The following GATM variants were observed in gnomAD, a reference collection of about 807,000 sequenced individuals.
The protein encoded by GATM is glycine amidinotransferase.
GATM carries 23 observed loss-of-function variants against 54.2 expected under a neutral mutation model. The observed-to-expected ratio is 0.42, with a 90% CI of 0.31 to 0.60. The LOEUF is 0.60. Among genes scored for constraint, GATM ranks in the 20% least tolerant of loss-of-function variants. The probability of loss-of-function intolerance (pLI) is 0.14; values close to 1 mark genes in which losing one functional copy is unlikely to be tolerated. For synonymous variants in GATM, 168 were observed against 183.1 expected (o/e 0.92, Z 0.67); for missense variants, 401 against 544.9 (o/e 0.74, Z 2.63).
At chr15:45,364,101 C>T in intron 7 of GATM, 85 bp from the exon 8 acceptor site, 1 of 806,786 alleles carries the variant, frequency 1.2e-6, no homozygotes, top group East Asian at 2.4e-5. Context: ...ATTAAAGTGA[C>T]AGCTCAGTTC....
intron 6 of GATM, among the ~76,000 whole-genome samples, chr15:45,365,657 G>A (rs759277378): frequency 5.0e-4 from 76 of 152,206 alleles, no homozygotes; most frequent in Non-Finnish European, 7.9e-4. Flanking sequence ...CCACTGTAGA[G>A]GGAATACAAC....
At chr15:45,381,971 G>C (rs1217606566), upstream of GATM, among the ~76,000 whole-genome samples, 3 of 152,180 alleles carry the variant, frequency 2.0e-5, no homozygotes, top group Non-Finnish European at 4.4e-5. Flanking sequence ...ACAGGAATGA[G>C]AGAGATTTTC....
chr15:45,363,154 C>A (rs1274759574), intron 8 of GATM, among the ~76,000 whole-genome samples: 1 of 152,068 alleles, frequency 6.6e-6, no homozygotes, highest in Non-Finnish European at 1.5e-5. Flanking sequence ...TGCTTGTAAT[C>A]CCAGCTACTC....
rs770422300 is a variant in GATM, at chr15:45,368,157, G to A, written c.588C>T (p.Tyr196=). 10 of 1,614,014 alleles carry A rather than the reference G, an allele frequency of 6.2e-6. No homozygotes were observed. The South Asian group carries it at 9.9e-5, about 16-fold the overall frequency. The change falls in exon 4 of 9, where the codon TAC becomes TAT. Residue 196 remains tyrosine (Y), a synonymous_variant. Transcript: ENST00000396659. The surrounding 1 kb of genome is among the most constrained non-coding windows in gnomAD (Gnocchi z 5.1). ...WRSRFFEYRA[Y]RSIIKDYFHR... ...GGAAGTAGTCTTTGATAATTGACCT[G>A]TACGCTCGGTACTCAAAGAAGCGTG...
upstream of GATM, among the ~76,000 whole-genome samples, chr15:45,380,854 C>T (rs1889731756): frequency 6.6e-6 from 1 of 152,116 alleles, no homozygotes; most frequent in African/African-American, 2.4e-5. Flanking sequence ...AATCAAAGCA[C>T]TCACTCCTCC....
At chr15:45,380,811 G>A (rs935637324), upstream of GATM, among the ~76,000 whole-genome samples, 5 of 151,906 alleles carry the variant, frequency 3.3e-5, no homozygotes, top group Admixed American at 2.6e-4. Context: ...TGTGGATAGC[G>A]CCACCCAAAC....
At chr15:45,373,144 G>T (rs1381001901) in intron 2 of GATM, 1 of 152,116 alleles carries the variant, frequency 6.6e-6, no homozygotes, top group Non-Finnish European at 1.5e-5. Flanking sequence ...GATTAATCTT[G>T]TATTTTATAA....
chr15:45,390,208 T>A (rs551875453), intron 3 of GATM, among the ~76,000 whole-genome samples: 2 of 152,288 alleles, frequency 1.3e-5, no homozygotes, highest in African/African-American at 4.8e-5. Context: ...AGTCCATAGG[T>A]CACATGCTGA....
At chr15:45,378,352 G>T in intron 1 of GATM, 33 bp downstream of exon 1, 1 of 1,495,818 alleles carries the variant, frequency 6.7e-7, no homozygotes, top group Non-Finnish European at 8.9e-7. Context: ...AGTGAGTCAC[G>T]CGGCCGCCAG....
At chr15:45,385,250 C>T (rs1032994358) in intron 3 of GATM, among the ~76,000 whole-genome samples, 7 of 152,190 alleles carry the variant, frequency 4.6e-5, no homozygotes, top group African/African-American at 7.2e-5. Context: ...ACTGGACCTT[C>T]TCCCTCATCT....
At chr15:45,394,069 A>C (rs1006370286) in intron 3 of GATM, among the ~76,000 whole-genome samples, 7 of 152,214 alleles carry the variant, frequency 4.6e-5, no homozygotes, top group African/African-American at 1.7e-4. Context: ...AGTAGAGCAG[A>C]GGTCCCCAAC....
chr15:45,363,872 G>C, intron 8 of GATM, 28 bp downstream of exon 8: 1 of 1,288,302 alleles, frequency 7.8e-7, no homozygotes, highest in Middle Eastern at 1.8e-4. Context: ...TTTCATGTAT[G>C]ACAACATGTT....
intron 7 of GATM, 160 bp from the exon 8 acceptor site, chr15:45,364,176 T>C: frequency 1.5e-6 from 1 of 648,586 alleles, no homozygotes; most frequent in Non-Finnish European, 2.8e-6. Flanking sequence ...CTATAAATGG[T>C]ATGAATCAAT....
At chr15:45,367,308 T>G (rs572015693) in intron 4 of GATM, among the ~76,000 whole-genome samples, 23 of 149,298 alleles carry the variant, frequency 1.5e-4, no homozygotes, top group African/African-American at 5.5e-4. Flanking sequence ...GCCACTGCAC[T>G]CCAGTCTGGG....
At chr15:45,383,898 G>C (rs1309831261) in intron 3 of GATM, among the ~76,000 whole-genome samples, 1 of 152,214 alleles carries the variant, frequency 6.6e-6, no homozygotes, top group East Asian at 1.9e-4. Context: ...ACTATTTACT[G>C]AGCACTTACT....
chr15:45,374,604 A>G (rs913068690), intron 2 of GATM, among the ~76,000 whole-genome samples: 7 of 152,210 alleles, frequency 4.6e-5, no homozygotes, highest in African/African-American at 1.7e-4. Flanking sequence ...CTGTCTTCCA[A>G]GTCTAACTCA....
chr15:45,375,542 GA>G (rs1889617744), intron 2 of GATM, among the ~76,000 whole-genome samples: 2 of 152,298 alleles, frequency 1.3e-5, no homozygotes, highest in Non-Finnish European at 1.5e-5. Flanking sequence ...GGCTTGTGAA[GA>G]AACAGTGAGT....
At chr15:45,371,125 T>C (rs1460866181) in intron 2 of GATM, among the ~76,000 whole-genome samples, 1 of 152,224 alleles carries the variant, frequency 6.6e-6, no homozygotes, top group East Asian at 1.9e-4. Flanking sequence ...GCATTCAGAT[T>C]GTTTTCCAAA....
chr15:45,362,672 C>A (rs1177222523), intron 8 of GATM, among the ~76,000 whole-genome samples: 1 of 152,140 alleles, frequency 6.6e-6, no homozygotes, highest in African/African-American at 2.4e-5. Flanking sequence ...ATTAACTTCA[C>A]CAGGCCACCA....
Sources: allele counts gnomAD v4.1 joint callset (sites outside exome capture counted in the v4.1 genomes callset), GRCh38; gene constraint gnomAD v4.1.1; non-coding constraint Gnocchi (gnomAD v3.1); transcripts MANE v1.5; gene names NCBI Gene and HGNC (gene_info 2026-07-23, HGNC 2026-07-21).